DACH1: variants seen among roughly 807,000 people sequenced by gnomAD.
DACH1 encodes the protein dachshund family transcription factor 1.
A neutral mutation model predicts 54.2 loss-of-function variants in DACH1; 12 were observed. The ratio of observed to expected loss-of-function variants is 0.22; its 90% confidence interval spans 0.14 to 0.36. The LOEUF is 0.36. Among genes scored for constraint, DACH1 ranks in the 10% least tolerant of loss-of-function variants. The pLI is 1.00. For missense variants in DACH1, 805 were observed against 929.8 expected (o/e 0.87, Z 1.75); for synonymous variants, 386 against 366.2 (o/e 1.05, Z -0.62).
chr13:71,583,779 G>T (rs1857996422), intron 3 of DACH1, among the ~76,000 whole-genome samples: 1 of 152,096 alleles, frequency 6.6e-6, no homozygotes, highest in South Asian at 2.1e-4. Context: ...AGGCTGCAGT[G>T]AGCCATGACC....
intron 6 of DACH1, among the ~76,000 whole-genome samples, chr13:71,542,603 T>A (rs1391056084): frequency 6.6e-6 from 1 of 152,152 alleles, no homozygotes; most frequent in African/African-American, 2.4e-5. Flanking sequence ...TTGGCTTGTC[T>A]AAAACAATGA....
intron 2 of DACH1, chr13:71,674,991 A>G: frequency 1.4e-6 from 1 of 704,994 alleles, no homozygotes. Context: ...GTCGCTCTCC[A>G]ACGCCAGCGC....
At chr13:71,711,414 G>T (rs1339340724) in intron 1 of DACH1, among the ~76,000 whole-genome samples, 1 of 152,152 alleles carries the variant, frequency 6.6e-6, no homozygotes, top group African/African-American at 2.4e-5. Flanking sequence ...GGTAAGTCCT[G>T]TCTGCAGGCA....
At chr13:71,657,754 T>C (rs1241777160) in intron 2 of DACH1, among the ~76,000 whole-genome samples, 5 of 152,050 alleles carry the variant, frequency 3.3e-5, no homozygotes, top group Admixed American at 1.3e-4. Flanking sequence ...TTCTCTTTTT[T>C]ATGTCTGAGT....
At chr13:71,680,732 C>T (rs1209721599) in intron 2 of DACH1, among the ~76,000 whole-genome samples, 1 of 152,076 alleles carries the variant, frequency 6.6e-6, no homozygotes, top group Non-Finnish European at 1.5e-5. Context: ...TAAATATCCA[C>T]AAAGGTGAAT....
intron 6 of DACH1, among the ~76,000 whole-genome samples, chr13:71,528,777 T>C (rs1180478367): frequency 1.3e-5 from 2 of 152,148 alleles, no homozygotes; most frequent in African/African-American, 2.4e-5. Context: ...AAACTAAAGA[T>C]AATAACTTCC....
At chr13:71,674,791 A>G (rs1160405720) in intron 2 of DACH1, among the ~76,000 whole-genome samples, 2 of 46,572 alleles carry the variant, frequency 4.3e-5, no homozygotes, top group Non-Finnish European at 9.2e-5. Context: ...CAAAAAGGAA[A>G]AAAAAAAGAA....
chr13:71,845,348 A>C (rs895417387), intron 1 of DACH1, among the ~76,000 whole-genome samples: 5 of 152,212 alleles, frequency 3.3e-5, no homozygotes, highest in African/African-American at 1.2e-4. Flanking sequence ...TATGAAAAAC[A>C]AGTTATTCAT....
At chr13:71,669,623 A>T (rs1880090623) in intron 2 of DACH1, among the ~76,000 whole-genome samples, 2 of 152,160 alleles carry the variant, frequency 1.3e-5, no homozygotes, top group African/African-American at 4.8e-5. Flanking sequence ...CCTGGTGCCA[A>T]AAAGGTTGGG....
At chr13:71,742,639 G>T (rs1032049799) in intron 1 of DACH1, among the ~76,000 whole-genome samples, 9 of 152,254 alleles carry the variant, frequency 5.9e-5, no homozygotes, top group East Asian at 1.9e-4. Context: ...TTAGTAAAGG[G>T]ATTTCTGCTG....
chr13:71,546,178 A>G (rs1204362646), intron 6 of DACH1, among the ~76,000 whole-genome samples: 2 of 152,110 alleles, frequency 1.3e-5, no homozygotes, highest in East Asian at 1.9e-4. Flanking sequence ...AAATCATCCT[A>G]TCAACTGTTT....
intron 1 of DACH1, among the ~76,000 whole-genome samples, chr13:71,718,470 C>T (rs917761967): frequency 6.6e-6 from 1 of 151,080 alleles, no homozygotes; most frequent in Non-Finnish European, 1.5e-5. Flanking sequence ...CCTATACTCC[C>T]AGCTACTCAG....
At chr13:71,523,288 T>A (rs1019792279) in intron 6 of DACH1, among the ~76,000 whole-genome samples, 1 of 152,156 alleles carries the variant, frequency 6.6e-6, no homozygotes, top group East Asian at 1.9e-4. Flanking sequence ...AATGTGAAAT[T>A]GCTTTTTCTC....
At chr13:71,516,177 T>G (rs746295878) in intron 6 of DACH1, among the ~76,000 whole-genome samples, 1 of 151,802 alleles carries the variant, frequency 6.6e-6, no homozygotes, top group Non-Finnish European at 1.5e-5. Flanking sequence ...CATGAGGGAA[T>G]TAGATGTACA....
intron 2 of DACH1, among the ~76,000 whole-genome samples, chr13:71,640,398 T>C (rs1877809822): frequency 1.3e-5 from 2 of 152,092 alleles, no homozygotes; most frequent in African/African-American, 4.8e-5. Context: ...TTTTAACCTA[T>C]ACTGTATTGG....
rs148494423 is a variant in DACH1, at chr13:71,691,985, C to T, written c.849-10075G>A. Among the ~76,000 whole-genome samples, 178 of 150,112 alleles carry T rather than the reference C, an allele frequency of 1.2e-3. 2 individuals are homozygous for T. Among genetic ancestry groups the T allele is most frequent in the African/African-American group, 4.2e-3 (170 of 40,718 alleles). Reference sequence around the variant, plus strand: ...GAGGAGGGGGTGCTAAGTAACGAAACAGCCATAGAGGCATAGCCCCCCATT... The same window carrying T: ...GAGGAGGGGGTGCTAAGTAACGAAATAGCCATAGAGGCATAGCCCCCCATT... On this transcript the variant is annotated intron_variant, in intron 1 of 10. Coordinates refer to ENST00000613252, the MANE Select transcript of DACH1 (RefSeq NM_080759.6).
At chr13:71,574,096 T>C (rs1279092262) in intron 3 of DACH1, among the ~76,000 whole-genome samples, 1 of 152,148 alleles carries the variant, frequency 6.6e-6, no homozygotes, top group Non-Finnish European at 1.5e-5. Flanking sequence ...TAAATATGCA[T>C]GCATGTGTGT....
At chr13:71,859,373 T>A (rs1198708980) in intron 1 of DACH1, among the ~76,000 whole-genome samples, 2 of 151,824 alleles carry the variant, frequency 1.3e-5, no homozygotes, top group African/African-American at 4.8e-5. Flanking sequence ...TCAAGGTCCT[T>A]GACTTTGGAT....
At chr13:71,840,661 T>G (rs1872779064) in intron 1 of DACH1, among the ~76,000 whole-genome samples, 1 of 152,168 alleles carries the variant, frequency 6.6e-6, no homozygotes, top group African/African-American at 2.4e-5. Flanking sequence ...TTGCCATTGC[T>G]ACAAAGTTAA....
Sources: allele counts gnomAD v4.1 joint callset (sites outside exome capture counted in the v4.1 genomes callset), GRCh38; gene constraint gnomAD v4.1.1; transcripts MANE v1.5; gene names NCBI Gene and HGNC (gene_info 2026-07-23, HGNC 2026-07-21).